The following BPIFA1 variants were observed in gnomAD, a reference collection of about 807,000 sequenced individuals.
BPIFA1 encodes BPI fold containing family A member 1, also known as BPI fold-containing family A member 1.
BPIFA1 carries 24 observed loss-of-function variants against 25.1 expected under a neutral mutation model. The ratio of observed to expected loss-of-function variants is 0.96; its 90% CI spans 0.69 to 1.35. The LOEUF (loss-of-function observed/expected upper bound fraction) is 1.35, where lower values mean the gene tolerates loss of function less well. Among genes scored for constraint, BPIFA1 ranks in the 40% most tolerant of loss-of-function variants. The pLI, the probability that BPIFA1 is intolerant of heterozygous loss-of-function variation, is 0.00. For missense variants in BPIFA1, 344 were observed against 303.7 expected (o/e 1.13, Z -0.99); for synonymous variants, 139 against 131.8 (o/e 1.05, Z -0.37).
Position 33,240,271 on chromosome 20 carries a change from A to G in BPIFA1, c.467A>G (p.Lys156Arg). 1 of 1,614,178 alleles carries G rather than the reference A, an allele frequency of 6.2e-7. No individual in the cohort carries two copies. Residue 156 changes from lysine (K) to arginine (R), a missense_variant, in exon 5 of 9, where the codon AAG becomes AGG. Lys to Arg is a conservative substitution (Grantham distance 26). Transcript: ENST00000354297. ...GCAAGTCTGTTGAGGCTGGCTGTGA[A>G]GCTGGACATCACTGCAGAAATCTTA... is the stretch of plus-strand genomic sequence containing the variant. Reference protein sequence around the residue: ...VGASLLRLAVKLDITAEILAV... With the variant: ...VGASLLRLAVRLDITAEILAV...
At chr20:33,242,660 A>G in intron 8 of BPIFA1, 99 bp downstream of exon 8, 1 of 870,738 alleles carries the variant, frequency 1.1e-6, no homozygotes, top group Non-Finnish European at 1.9e-6. Flanking sequence ...CCAAAGAAAG[A>G]GACAAACATC....
At chr20:33,238,283 G>A in intron 3 of BPIFA1, 69 bp downstream of exon 3, 2 of 863,468 alleles carry the variant, frequency 2.3e-6, no homozygotes, top group Middle Eastern at 2.9e-4. Context: ...CCAGCCCCAG[G>A]CAGTGACCCT....
rs145714455 is a variant in BPIFA1 at position 33,239,270 on chromosome 20, C to T, written c.321-533C>T. On this transcript the variant is annotated intron_variant, in intron 3 of 8. Coordinates refer to ENST00000354297, the MANE Select transcript of BPIFA1 (RefSeq NM_130852.3). ...CCTGCTCCTCAATTCCCATGATAAA[C>T]ATTGGTGATTGGCCACCTGACAGGG... 3.3e-5 allele frequency among the ~76,000 whole-genome samples: 5 copies of T among 152,330 alleles called. No individual in the cohort carries two copies. The East Asian group carries it at 7.7e-4, about 24-fold the overall frequency.
chr20:33,240,645 T>TAGATAGATA (rs1555794389), intron 5 of BPIFA1, among the ~76,000 whole-genome samples: 2 of 142,840 alleles, frequency 1.4e-5, no homozygotes, highest in African/African-American at 5.4e-5. Context: ...GATAGATAGA[T>TAGATAGATA]GATAGATAGA....
chr20:33,242,072 A>G lies in BPIFA1; in HGVS notation c.683A>G (p.Asn228Ser), dbSNP rs747129294. 5.0e-6 allele frequency: 8 copies of G among 1,614,144 alleles called. No individual in the cohort carries two copies. Among genetic ancestry groups the G allele is most frequent in the African/African-American group, 1.3e-5 (1 of 75,048 alleles). The change falls in exon 7 of 9, where the codon AAT becomes AGT. Residue 228 changes from asparagine to serine, a missense_variant. By Grantham distance (46) the Asn-to-Ser change is conservative (BLOSUM62 1). Transcript: ENST00000354297. ...LVQGNVCPLV[N>S]EVLRGLDITL... is the part of the protein sequence containing the mutation. ...CCTGGCCAGGTGTGCCCTCTGGTCA[A>G]TGAGGTTCTCAGAGGCTTGGACATC...
Position 33,240,224 on chromosome 20 carries a change from C to T in BPIFA1, c.429-9C>T. The T allele has an allele frequency of 6.2e-7, 1 of 1,613,202 alleles. No individual in the cohort carries two copies. The highest frequency in any genetic ancestry group is 8.5e-7 in the Non-Finnish European group (1 of 1,179,674). ...GAGCTAGATACCAGTGGGGCTGTCT[C>T]CTTTGCAGGCCCCTGGTCGGTGCAA... is the stretch of plus-strand genomic sequence containing the variant. On this transcript the variant is annotated splice_polypyrimidine_tract_variant and intron_variant, in intron 4 of 8. Coordinates refer to ENST00000354297, the MANE Select transcript of BPIFA1 (RefSeq NM_130852.3).
intron 5 of BPIFA1, 138 bp downstream of exon 5, chr20:33,240,523 C>G: frequency 8.2e-5 from 86 of 1,047,620 alleles, no homozygotes; most frequent in East Asian, 2.9e-4. Flanking sequence ...AAGGAGGGAG[C>G]GTGGAAAGAT....
Position 33,237,799 on chromosome 20 carries a change from C to T in BPIFA1, c.88C>T (p.Gln30Ter). 2 of 1,603,258 alleles carry T rather than the reference C, an allele frequency of 1.2e-6. No individual in the cohort carries two copies. The highest frequency in any genetic ancestry group is 1.7e-5 in the Admixed American group (1 of 58,680). The change falls in exon 2 of 9, where the codon CAG (glutamine) becomes TAG (stop). Residue 30 changes from glutamine (Q) to a stop codon, truncating the protein, a stop_gained. Coordinates refer to ENST00000354297, the MANE Select transcript of BPIFA1 (RefSeq NM_130852.3). LOFTEE classifies it high-confidence loss of function. ...QFGGLPVPLDQTLPLNVNPAL... is the reference protein window; with the variant it reads ...QFGGLPVPLD ...TGGAGGCCTGCCCGTGCCCCTGGAC[C>T]AGACCCTGCCCTTGAATGTGAATCC... is the stretch of plus-strand genomic sequence containing the variant.
At chr20:33,241,735 C>T (rs1449464679) in intron 6 of BPIFA1, among the ~76,000 whole-genome samples, 1 of 152,160 alleles carries the variant, frequency 6.6e-6, no homozygotes, top group Non-Finnish European at 1.5e-5. Flanking sequence ...TGGAGAAGTT[C>T]CCTGTCCAGC....
intron 3 of BPIFA1, among the ~76,000 whole-genome samples, 180 bp from the exon 4 acceptor site, chr20:33,239,623 G>A (rs1978857277): frequency 6.6e-6 from 1 of 152,214 alleles, no homozygotes. Flanking sequence ...GCAGAGGCTG[G>A]AAAAGACCTA....
Position 33,239,822 on chromosome 20 carries a change from C to A in BPIFA1, c.340C>A (p.Gln114Lys). 2 of 1,614,196 alleles carry A rather than the reference C, an allele frequency of 1.2e-6. No individual in the cohort carries two copies. The highest frequency in any genetic ancestry group is 1.7e-6 in the Non-Finnish European group (2 of 1,180,006). Residue 114 changes from glutamine (Q) to lysine (K), a missense_variant, in exon 4 of 9, where the codon CAG (glutamine) becomes AAG (lysine). Physicochemically the swap from Gln to Lys is moderately conservative, Grantham distance 53 (BLOSUM62 1). Coordinates refer to ENST00000354297, the MANE Select transcript of BPIFA1 (RefSeq NM_130852.3). ...GGACAGCATAAAGGTCACTGACCCCCAGCTGCTGGAACTTGGCCTTGTGCA... is the reference window on the plus strand; with the variant it reads ...GGACAGCATAAAGGTCACTGACCCCAAGCTGCTGGAACTTGGCCTTGTGCA... ...NIIDIKVTDP[Q>K]LLELGLVQSP...
At chr20:33,236,683 G>A (rs62209723) in intron 1 of BPIFA1, among the ~76,000 whole-genome samples, 12,380 of 152,178 alleles carry the variant, frequency 0.081, 640 homozygotes, top group Non-Finnish European at 0.12. Context: ...GGGGTTGACC[G>A]GAATTCCATC....
Position 33,239,869 on chromosome 20 carries a change from C to G in BPIFA1, c.387C>G (p.Leu129=), listed in dbSNP as rs751180637. The change falls in exon 4 of 9, where the codon CTC becomes CTG. Residue 129 remains leucine (L), a synonymous_variant. Coordinates refer to ENST00000354297, the MANE Select transcript of BPIFA1 (RefSeq NM_130852.3). Reference sequence around the variant, plus strand: ...TGCAGAGCCCTGATGGCCACCGTCTCTATGTCACCATCCCTCTCGGCATAA... The same window carrying G: ...TGCAGAGCCCTGATGGCCACCGTCTGTATGTCACCATCCCTCTCGGCATAA... ...GLVQSPDGHR[L]YVTIPLGIKL... is the part of the protein sequence containing the mutation. 223 of 1,614,092 alleles carry G rather than the reference C, an allele frequency of 1.4e-4. No homozygotes were observed. Among genetic ancestry groups the G allele is most frequent in the Non-Finnish European group, 1.8e-4 (210 of 1,180,028 alleles).
chr20:33,239,402 C>A (rs1978848290), intron 3 of BPIFA1, among the ~76,000 whole-genome samples: 1 of 152,196 alleles, frequency 6.6e-6, no homozygotes, highest in Non-Finnish European at 1.5e-5. Context: ...ATCCTTCTAC[C>A]TAATCACTTA....
At chr20:33,240,635 G>T (rs543770197) in intron 5 of BPIFA1, among the ~76,000 whole-genome samples, 1 of 137,326 alleles carries the variant, frequency 7.3e-6, no homozygotes, top group South Asian at 2.5e-4. Flanking sequence ...TAGATGGATG[G>T]ATAGATAGAT....
intron 5 of BPIFA1, 76 bp downstream of exon 5, chr20:33,240,461 A>G (rs1389806559): frequency 9.1e-6 from 14 of 1,546,120 alleles, no homozygotes; most frequent in Non-Finnish European, 1.2e-5. Flanking sequence ...GAAAGCTGAG[A>G]CAATGAGAGA....
At chr20:33,237,999 C>G in intron 2 of BPIFA1, 56 bp from the exon 3 acceptor site, 1 of 1,567,454 alleles carries the variant, frequency 6.4e-7, no homozygotes. Flanking sequence ...GGGAGGGGGC[C>G]TGAGGATCTG....
intron 8 of BPIFA1, among the ~76,000 whole-genome samples, 160 bp from the exon 9 acceptor site, chr20:33,242,947 T>A (rs758885223): frequency 6.6e-5 from 10 of 152,276 alleles, no homozygotes; most frequent in Middle Eastern, 3.4e-3. Context: ...TACACGTGGA[T>A]ACACAGACAC....
chr20:33,242,607 C>T (rs1376022929), intron 8 of BPIFA1, 46 bp downstream of exon 8: 1 of 1,434,456 alleles, frequency 7.0e-7, no homozygotes, highest in East Asian at 2.3e-5. Context: ...GCTGGCTGTT[C>T]TTCTCCTGGT....
Sources: gnomAD v4.1 joint callset for allele counts (sites outside exome capture counted in the v4.1 genomes callset) on GRCh38, gnomAD v4.1.1 for gene constraint, MANE v1.5 for transcripts, NCBI Gene and HGNC (gene_info 2026-07-23, HGNC 2026-07-21) for gene names.